The following KIF16B variants were observed in gnomAD, a reference collection of about 807,000 sequenced individuals.
The protein encoded by KIF16B is kinesin-like protein KIF16B.
A neutral mutation model predicts 156.3 loss-of-function variants in KIF16B; 98 were observed. The ratio of observed to expected loss-of-function variants is 0.63; its 90% confidence interval spans 0.53 to 0.74. The LOEUF is 0.74. KIF16B is among the 30% of genes least tolerant of loss of function. The pLI is 0.00. For missense variants in KIF16B, 1,421 were observed against 1,606.5 expected, an observed-to-expected ratio of 0.88 and a Z score of 1.97; for synonymous variants, 564 against 583.7, an observed-to-expected ratio of 0.97 and a Z score of 0.49.
chr20:16,367,803 G>A (rs761105818), intron 22 of KIF16B: 1 of 1,612,404 alleles, frequency 6.2e-7, no homozygotes, highest in East Asian at 2.2e-5. Context: ...CTGGCATCAG[G>A]ACACACAGGA....
chr20:16,354,605 C>G (rs58254359), intron 23 of KIF16B, among the ~76,000 whole-genome samples: 10 of 151,874 alleles, frequency 6.6e-5, no homozygotes, highest in African/African-American at 2.2e-4. Flanking sequence ...AAGGACATAG[C>G]GTAACATTTA....
At chr20:16,344,448 T>C (rs1424170313) in intron 23 of KIF16B, among the ~76,000 whole-genome samples, 1 of 152,192 alleles carries the variant, frequency 6.6e-6, no homozygotes, top group African/African-American at 2.4e-5. Context: ...TGCCTGGCTA[T>C]CTTCACTGTG....
chr20:16,341,479 T>C (rs2064138332), intron 23 of KIF16B, among the ~76,000 whole-genome samples: 1 of 152,208 alleles, frequency 6.6e-6, no homozygotes, highest in South Asian at 2.1e-4. Flanking sequence ...ACCCTGTGTA[T>C]ATAATACGGT....
At chr20:16,319,581 C>T (rs1274369000) in intron 24 of KIF16B, among the ~76,000 whole-genome samples, 1 of 152,202 alleles carries the variant, frequency 6.6e-6, no homozygotes, top group Non-Finnish European at 1.5e-5. Context: ...ATAACTCAGC[C>T]TGGCACTGAG....
intron 12 of KIF16B, among the ~76,000 whole-genome samples, chr20:16,441,708 T>C (rs2066805615): frequency 6.6e-6 from 1 of 152,170 alleles, no homozygotes; most frequent in Admixed American, 6.6e-5. Flanking sequence ...ATGACACCTC[T>C]ATCCTGCTGG....
At chr20:16,571,690 C>T (rs35834087) in intron 1 of KIF16B, among the ~76,000 whole-genome samples, 21,832 of 150,522 alleles carry the variant, frequency 0.15, 1,604 homozygotes, top group Admixed American at 0.17. Context: ...AGTGCAGAGG[C>T]ACGGTGTCGG....
chr20:16,332,759 T>A (rs1488276152), intron 24 of KIF16B, among the ~76,000 whole-genome samples: 2 of 152,076 alleles, frequency 1.3e-5, no homozygotes, highest in Admixed American at 1.3e-4. Flanking sequence ...GTAAAAGAAA[T>A]AAAAAAATTT....
At chr20:16,479,079 TTG>T (rs753612556) in intron 12 of KIF16B, among the ~76,000 whole-genome samples, 2 of 152,320 alleles carry the variant, frequency 1.3e-5, no homozygotes, top group East Asian at 3.9e-4. Context: ...TATAGCCACA[TTG>T]TGTTATACAA....
At position 16,282,162 on chromosome 20, in the gene KIF16B, G is replaced by A. The variant is rs148199343; in HGVS notation, c.3796-8751C>T. Among the ~76,000 whole-genome samples the A allele has an allele frequency of 2.9e-3, 437 of 151,754 alleles. 2 individuals carry two copies. Among genetic ancestry groups the A allele is most frequent in the African/African-American group, 9.9e-3 (408 of 41,372 alleles). ...TCCTCCTGCCTCGGCCTCCTGAGTA[G>A]CTGGGACTAAAGGCATGTGCCACCA... On this transcript the variant is annotated intron_variant, in intron 25 of 25. Transcript: ENST00000354981.
chr20:16,287,875 C>T (rs1471598921), intron 25 of KIF16B, among the ~76,000 whole-genome samples: 3 of 152,136 alleles, frequency 2.0e-5, no homozygotes, highest in Non-Finnish European at 4.4e-5. Context: ...CACCTGTGGA[C>T]CAGAAGTGAG....
rs141870487 is a variant in KIF16B, at chr20:16,363,359, T to C, written c.3499-6907A>G. ...ATTGAATATGTAACTTAAAAGGTCCTAGGGCATACTCTTCCCGGTACCTTA... is the reference window on the plus strand; with the variant it reads ...ATTGAATATGTAACTTAAAAGGTCCCAGGGCATACTCTTCCCGGTACCTTA... On this transcript the variant is annotated intron_variant, in intron 22 of 25. Transcript: ENST00000354981. Among the ~76,000 whole-genome samples, 36 of 152,314 alleles carry C rather than the reference T, an allele frequency of 2.4e-4. 1 individual carries two copies. In the East Asian group the frequency reaches 4.8e-3, roughly 20 times the overall value.
intron 24 of KIF16B, among the ~76,000 whole-genome samples, chr20:16,313,345 CTAAGT>C (rs1297922367): frequency 6.6e-6 from 1 of 152,116 alleles, no homozygotes; most frequent in Non-Finnish European, 1.5e-5. Context: ...ATGCAAATCA[CTAAGT>C]TGATTTAAAT....
At chr20:16,389,920 G>C (rs2065323284) in intron 17 of KIF16B, among the ~76,000 whole-genome samples, 1 of 152,138 alleles carries the variant, frequency 6.6e-6, no homozygotes, top group South Asian at 2.1e-4. Context: ...CTGTTTTGTA[G>C]AGACAATTAG....
At chr20:16,464,388 C>A (rs2067429437) in intron 12 of KIF16B, among the ~76,000 whole-genome samples, 1 of 152,070 alleles carries the variant, frequency 6.6e-6, no homozygotes, top group Admixed American at 6.5e-5. Context: ...AAATTTCTGA[C>A]AGTTTAAAAA....
At chr20:16,543,050 G>C (rs1488220352) in intron 1 of KIF16B, among the ~76,000 whole-genome samples, 2 of 152,106 alleles carry the variant, frequency 1.3e-5, no homozygotes, top group South Asian at 4.2e-4. Context: ...TACTCTCTGA[G>C]GAGCCCAAAC....
intron 1 of KIF16B, among the ~76,000 whole-genome samples, chr20:16,535,124 A>G (rs556959585): frequency 6.6e-6 from 1 of 152,270 alleles, no homozygotes; most frequent in South Asian, 2.1e-4. Flanking sequence ...CTTCTGATCC[A>G]TGAGCATGAG....
chr20:16,305,386 T>C (rs889150785), intron 25 of KIF16B, among the ~76,000 whole-genome samples: 2 of 152,212 alleles, frequency 1.3e-5, no homozygotes, highest in East Asian at 1.9e-4. Context: ...TGGGCTAATA[T>C]AGTGCTTTTT....
At chr20:16,431,148 C>T (rs1423540154) in intron 12 of KIF16B, among the ~76,000 whole-genome samples, 6 of 151,964 alleles carry the variant, frequency 3.9e-5, no homozygotes, top group South Asian at 4.2e-4. Flanking sequence ...TCAAGCCACC[C>T]GCAGCACGTG....
At chr20:16,419,084 G>C (rs74181914) in intron 15 of KIF16B, among the ~76,000 whole-genome samples, 8 of 152,174 alleles carry the variant, frequency 5.3e-5, no homozygotes, top group African/African-American at 1.9e-4. Flanking sequence ...GTGGAGCCTG[G>C]GAATTTGCAT....
Sources: allele counts gnomAD v4.1 joint callset (sites outside exome capture counted in the v4.1 genomes callset), GRCh38; gene constraint gnomAD v4.1.1; transcripts MANE v1.5; gene names NCBI Gene and HGNC (gene_info 2026-07-23, HGNC 2026-07-21).